ABLIM2: variants seen among roughly 807,000 people sequenced by gnomAD.
ABLIM2 encodes the protein actin-binding LIM protein 2.
Under a neutral mutation model 97.7 loss-of-function variants are expected in ABLIM2, and 53 were observed. The ratio of observed to expected loss-of-function variants is 0.54; its 90% CI spans 0.44 to 0.68. The LOEUF (loss-of-function observed/expected upper bound fraction) is 0.68, where lower values mean the gene tolerates loss of function less well. Ranked by LOEUF, ABLIM2 falls within the 30% of genes least tolerant of loss-of-function variation. The pLI is 0.00. For missense variants in ABLIM2, 835 were observed against 867.2 expected, an observed-to-expected ratio of 0.96 and a Z score of 0.47; for synonymous variants, 361 against 345.8, an observed-to-expected ratio of 1.04 and a Z score of -0.49.
rs1016792703 is a variant in ABLIM2 at position 8,033,856 on chromosome 4, C to T, written c.1047+2293G>A. ...GCTGTGTCCTGGTCATACCATGAGACCCTGGAGCAGGACAGGGAGAGATAC... is the reference window on the plus strand; with the variant it reads ...GCTGTGTCCTGGTCATACCATGAGATCCTGGAGCAGGACAGGGAGAGATAC... On this transcript the variant is annotated intron_variant, in intron 10 of 20. Coordinates refer to ENST00000447017, the MANE Select transcript of ABLIM2 (RefSeq NM_001130083.2). The surrounding 1 kb of genome is among the most constrained non-coding windows in gnomAD (Gnocchi z 4.5). 6.6e-6 allele frequency among the ~76,000 whole-genome samples: 1 copy of T among 152,208 alleles called. No individual in the cohort carries two copies. The highest frequency in any genetic ancestry group is 1.5e-5 in the Non-Finnish European group (1 of 68,032).
chr4:8,138,698 T>G (rs373818964), intron 1 of ABLIM2, among the ~76,000 whole-genome samples: 1 of 152,156 alleles, frequency 6.6e-6, no homozygotes, highest in Non-Finnish European at 1.5e-5. Flanking sequence ...TTATACCTTA[T>G]ACAAAAATTA....
chr4:8,101,737 T>C (rs1160311387), intron 2 of ABLIM2, among the ~76,000 whole-genome samples: 1 of 152,232 alleles, frequency 6.6e-6, no homozygotes, highest in Non-Finnish European at 1.5e-5. Flanking sequence ...TGTGGCCTCA[T>C]CTTTTCATCA....
chr4:8,011,057 G>A (rs1764629438), intron 14 of ABLIM2, among the ~76,000 whole-genome samples: 2 of 152,226 alleles, frequency 1.3e-5, no homozygotes, highest in South Asian at 2.1e-4. Context: ...TAATCTGCAC[G>A]TGCATGGACA....
chr4:8,158,673 C>A lies in ABLIM2; in HGVS notation c.10+7G>T. 2.0e-6 allele frequency: 3 copies of A among 1,489,856 alleles called. No individual in the cohort carries two copies. Among genetic ancestry groups the A allele is most frequent in the Non-Finnish European group, 2.7e-6 (3 of 1,124,420 alleles). The allele number at this position is 1,489,856 out of a possible 1,614,324, so 92.3% of individuals were successfully genotyped here. ...GACCCGTTGGTCCCTCGGTCCCCAG[C>A]ACCCACCTGCACTCATCTCAGCAGC... On this transcript the variant is annotated splice_region_variant and intron_variant, in intron 1 of 20. Coordinates refer to ENST00000447017, the MANE Select transcript of ABLIM2 (RefSeq NM_001130083.2).
chr4:8,008,260 T>G, intron 15 of ABLIM2, 60 bp from the exon 16 acceptor site: 1 of 1,520,678 alleles, frequency 6.6e-7, no homozygotes, highest in Non-Finnish European at 9.1e-7. Flanking sequence ...TGGGAACATC[T>G]CACTGGACCC....
Position 7,986,765 on chromosome 4 carries a change from C to T in ABLIM2, c.1681-1872G>A, listed in dbSNP as rs561394556. Reference sequence around the variant, plus strand: ...TCGGCTCAATGCAAACTCCACCTCCCGGGTTCAAGTGATTCTCCTGCCTCA... The same window carrying T: ...TCGGCTCAATGCAAACTCCACCTCCTGGGTTCAAGTGATTCTCCTGCCTCA... On this transcript the variant is annotated intron_variant, in intron 17 of 20. Coordinates refer to ENST00000447017, the MANE Select transcript of ABLIM2 (RefSeq NM_001130083.2). This position sits in a 1 kb window ranked among gnomAD's most constrained non-coding sequence, Gnocchi z 4.3. 1.4e-4 allele frequency among the ~76,000 whole-genome samples: 21 copies of T among 152,088 alleles called. No individual in the cohort carries two copies. Among genetic ancestry groups the T allele is most frequent in the African/African-American group, 4.8e-4 (20 of 41,482 alleles).
chr4:8,158,701 C>G lies in ABLIM2; in HGVS notation c.-12G>C, dbSNP rs1163040392. 4 of 1,459,294 alleles carry G rather than the reference C, an allele frequency of 2.7e-6. No individual in the cohort carries two copies. The highest frequency in any genetic ancestry group is 3.6e-6 in the Non-Finnish European group (4 of 1,107,420). 90.4% of individuals were successfully genotyped at this position (1,459,294 alleles called of 1,614,324 possible). A position where few individuals can be genotyped will look rare whatever the true frequency, so the allele number is the denominator to read the frequency against. On this transcript the variant is annotated 5_prime_UTR_variant, in exon 1 of 21. Transcript: ENST00000447017. ...CCACCTGCACTCATCTCAGCAGCCG[C>G]TCGGAGTCGGGGCGGCCCGGCGCTG... is the stretch of plus-strand genomic sequence containing the variant.
intron 12 of ABLIM2, among the ~76,000 whole-genome samples, chr4:8,024,829 T>C (rs1385182962): frequency 2.6e-5 from 4 of 152,188 alleles, no homozygotes; most frequent in African/African-American, 9.7e-5. Context: ...GTTCCCAAGG[T>C]TACGGACAGC....
At position 7,970,220 on chromosome 4, in the gene ABLIM2, G is replaced by A. The variant is rs1726673088; in HGVS notation, c.1825-3117C>T. Among the ~76,000 whole-genome samples the A allele has an allele frequency of 6.6e-6, 1 of 152,174 alleles. No homozygotes were observed. Among genetic ancestry groups the A allele is most frequent in the African/African-American group, 2.4e-5 (1 of 41,462 alleles). On this transcript the variant is annotated intron_variant, in intron 20 of 20. Transcript: ENST00000447017. The surrounding 1 kb of genome is among the most constrained non-coding windows in gnomAD (Gnocchi z 5.3). ...GACACGTAAGTAAATATGTAAAGGA[G>A]GGGAGGCTGACACCGGAAGGGCGAG...
rs1757826901 is a variant in ABLIM2, at chr4:8,002,383, C to A, written c.1618+5676G>T. 6.6e-6 allele frequency among the ~76,000 whole-genome samples: 1 copy of A among 152,202 alleles called. No homozygotes were observed. Among genetic ancestry groups the A allele is most frequent in the Non-Finnish European group, 1.5e-5 (1 of 68,040 alleles). ...GGTTCCTGAGCTGCCACCATGTGGGCCCTGCCAGTGAGATCCTTCCAGGGC... is the reference window on the plus strand; with the variant it reads ...GGTTCCTGAGCTGCCACCATGTGGGACCTGCCAGTGAGATCCTTCCAGGGC... On this transcript the variant is annotated intron_variant, in intron 16 of 20. Coordinates refer to ENST00000447017, the MANE Select transcript of ABLIM2 (RefSeq NM_001130083.2). The surrounding 1 kb of genome is among the most constrained non-coding windows in gnomAD (Gnocchi z 6.1).
chr4:7,985,661 C>G (rs1743304172), intron 17 of ABLIM2, among the ~76,000 whole-genome samples: 1 of 152,138 alleles, frequency 6.6e-6, no homozygotes, highest in Non-Finnish European at 1.5e-5. Context: ...TGGCATGTCA[C>G]CTGGCATGTT....
intron 1 of ABLIM2, among the ~76,000 whole-genome samples, chr4:8,136,835 G>A (rs1022149925): frequency 2.6e-5 from 4 of 152,236 alleles, no homozygotes; most frequent in African/African-American, 9.6e-5. Context: ...GGGCCTCCCC[G>A]CTCAGGCCTC....
At chr4:7,980,039 GC>G (rs1274949687) in intron 20 of ABLIM2, among the ~76,000 whole-genome samples, 4 of 152,200 alleles carry the variant, frequency 2.6e-5, no homozygotes, top group Non-Finnish European at 5.9e-5. Flanking sequence ...ACATAATTTA[GC>G]CCTTGATTAA....
At chr4:7,978,858 G>A (rs1735738701) in intron 20 of ABLIM2, among the ~76,000 whole-genome samples, 1 of 152,196 alleles carries the variant, frequency 6.6e-6, no homozygotes, top group African/African-American at 2.4e-5. Flanking sequence ...TGCCTTCTCT[G>A]GCCACTGGGG....
At position 8,112,208 on chromosome 4, in the gene ABLIM2, C is replaced by T. The variant is rs530981128; in HGVS notation, c.11-5571G>A. On this transcript the variant is annotated intron_variant, in intron 1 of 20. Transcript: ENST00000447017. The surrounding 1 kb of genome is among the most constrained non-coding windows in gnomAD (Gnocchi z 4.2). ...CAACCTTCACAACAAAGGGACGTGG[C>T]TCTCTCAGGAAATCCCCCTGCCTCC... 6.6e-6 allele frequency among the ~76,000 whole-genome samples: 1 copy of T among 152,326 alleles called. No individual in the cohort carries two copies. The highest frequency in any genetic ancestry group is 2.4e-5 in the African/African-American group (1 of 41,564).
chr4:8,025,928 C>T (rs907497461), intron 12 of ABLIM2, among the ~76,000 whole-genome samples: 5 of 152,334 alleles, frequency 3.3e-5, no homozygotes, highest in Middle Eastern at 3.4e-3. Context: ...CCCTGCCACA[C>T]GACTGCCGTG....
chr4:7,999,257 C>T lies in ABLIM2; in HGVS notation c.1619-6330G>A, dbSNP rs1241776901. 6.6e-6 allele frequency among the ~76,000 whole-genome samples: 1 copy of T among 152,124 alleles called. No homozygotes were observed. Among genetic ancestry groups the T allele is most frequent in the Non-Finnish European group, 1.5e-5 (1 of 68,024 alleles). ...TATTTTTAGTAGAGACAAGGTTTCTCCATGTTGGTCAGGCTATCTCGAACT... is the reference window on the plus strand; with the variant it reads ...TATTTTTAGTAGAGACAAGGTTTCTTCATGTTGGTCAGGCTATCTCGAACT... On this transcript the variant is annotated intron_variant, in intron 16 of 20. Coordinates refer to ENST00000447017, the MANE Select transcript of ABLIM2 (RefSeq NM_001130083.2). The surrounding 1 kb of genome is among the most constrained non-coding windows in gnomAD (Gnocchi z 4.4).
At chr4:7,969,765 ACACAG>A (rs1477639307) in intron 20 of ABLIM2, among the ~76,000 whole-genome samples, 1 of 130,874 alleles carries the variant, frequency 7.6e-6, no homozygotes, top group East Asian at 2.2e-4. Flanking sequence ...ACACACACAC[ACACAG>A]CCTATCCAGC....
At position 8,071,821 on chromosome 4, in the gene ABLIM2, G is replaced by A. The variant is rs1179536114; in HGVS notation, c.675+5807C>T. ...AGTCTGACGGCCCTGCTTGAGTGCC[G>A]TGCTCCCTGGAACGTGTGCCTGCGA... On this transcript the variant is annotated intron_variant, in intron 6 of 20. Transcript: ENST00000447017. The surrounding 1 kb of genome is among the most constrained non-coding windows in gnomAD (Gnocchi z 6.2). 1.0e-6 allele frequency: 1 copy of A among 985,300 alleles called. No homozygotes were observed. Among genetic ancestry groups the A allele is most frequent in the Non-Finnish European group, 1.2e-6 (1 of 829,952 alleles). The allele number at this position is 985,300 out of a possible 1,614,324, so 61.0% of individuals were successfully genotyped here.
Sources: allele counts gnomAD v4.1 joint callset (sites outside exome capture counted in the v4.1 genomes callset), GRCh38; gene constraint gnomAD v4.1.1; non-coding constraint Gnocchi (gnomAD v3.1); transcripts MANE v1.5; gene names NCBI Gene and HGNC (gene_info 2026-07-23, HGNC 2026-07-21).